The following BSN variants were observed in gnomAD, a reference collection of about 807,000 sequenced individuals.
BSN encodes bassoon presynaptic cytomatrix protein, also known as protein bassoon.
A neutral mutation model predicts 264.8 loss-of-function variants in BSN; 57 were observed. The ratio of observed to expected loss-of-function variants is 0.22; its 90% CI spans 0.17 to 0.27. BSN has a LOEUF of 0.27. BSN is among the 10% of genes least tolerant of loss of function. The probability of loss-of-function intolerance (pLI) is 1.00; values close to 1 mark genes in which losing one functional copy is unlikely to be tolerated. For synonymous variants in BSN, 2,059 were observed against 2,137.3 expected (o/e 0.96, Z 1.01); for missense variants, 4,615 against 5,232.5 (o/e 0.88, Z 3.64).
intron 1 of BSN, among the ~76,000 whole-genome samples, chr3:49,579,987 G>A (rs183810964): frequency 9.9e-5 from 15 of 152,164 alleles, no homozygotes; most frequent in Middle Eastern, 3.4e-3. Flanking sequence ...ATATGTCACC[G>A]GATTTGTTTT....
chr3:49,559,143 T>G (rs778242205), intron 1 of BSN, among the ~76,000 whole-genome samples: 52 of 152,088 alleles, frequency 3.4e-4, no homozygotes, highest in Non-Finnish European at 6.9e-4. Context: ...GCCAGGCTGG[T>G]CTCAAACTCC....
chr3:49,588,607 A>G (rs539566532), intron 1 of BSN, among the ~76,000 whole-genome samples: 1 of 152,206 alleles, frequency 6.6e-6, no homozygotes, highest in East Asian at 1.9e-4. Context: ...ACTACATCCA[A>G]TGTTTTGATA....
intron 1 of BSN, among the ~76,000 whole-genome samples, chr3:49,590,396 G>A (rs1020721438): frequency 6.6e-6 from 1 of 151,780 alleles, no homozygotes; most frequent in Non-Finnish European, 1.5e-5. Context: ...TTATTAATAT[G>A]GTTGGATTTA....
chr3:49,559,817 T>A (rs988775282), intron 1 of BSN, among the ~76,000 whole-genome samples: 1 of 152,212 alleles, frequency 6.6e-6, no homozygotes, highest in Non-Finnish European at 1.5e-5. Context: ...GAGAATTCTG[T>A]CTAGAAGCTA....
At position 49,650,886 on chromosome 3, in the gene BSN, C is replaced by T. The variant is rs752794359; in HGVS notation, c.1793C>T (p.Pro598Leu). 6.2e-7 allele frequency: 1 copy of T among 1,614,216 alleles called. No homozygotes were observed. The highest frequency in any genetic ancestry group is 1.1e-5 in the South Asian group (1 of 91,090). Residue 598 changes from proline (P) to leucine (L), a missense_variant, in exon 4 of 12, where the codon CCC becomes CTC. Pro to Leu is a moderately conservative substitution (Grantham distance 98). Around this residue, in one of 3 missense-constraint regions of BSN, gnomAD observed 1,197 missense variants for 1,348.0 expected, o/e 0.89. Transcript: ENST00000296452. ...GCCAAGCCCCTCAGGGCTTCTGAAC[C>T]CAGCAAGACCCCAAGCAGTGTCCAG... Reference protein sequence around the residue: ...PQAKPLRASEPSKTPSSVQEK... With the variant: ...PQAKPLRASELSKTPSSVQEK...
intron 1 of BSN, among the ~76,000 whole-genome samples, chr3:49,565,693 G>A (rs1312589568): frequency 6.6e-6 from 1 of 152,052 alleles, no homozygotes; most frequent in Non-Finnish European, 1.5e-5. Flanking sequence ...GTAGTTAGAG[G>A]GTGCTTTACT....
At chr3:49,633,779 CAT>C (rs1234274179) in intron 2 of BSN, among the ~76,000 whole-genome samples, 1 of 152,174 alleles carries the variant, frequency 6.6e-6, no homozygotes, top group Non-Finnish European at 1.5e-5. Context: ...CAATCTGACA[CAT>C]GATACAACAT....
intron 1 of BSN, among the ~76,000 whole-genome samples, chr3:49,587,133 A>C (rs1299962736): frequency 6.6e-6 from 1 of 152,108 alleles, no homozygotes; most frequent in Non-Finnish European, 1.5e-5. Context: ...TTCTTTGGTT[A>C]AGTTAATTCC....
chr3:49,555,640 G>C (rs191290587), intron 1 of BSN, among the ~76,000 whole-genome samples: 1 of 152,344 alleles, frequency 6.6e-6, no homozygotes, highest in East Asian at 1.9e-4. Context: ...TGCAAAAACA[G>C]TCAAGTGGCA....
chr3:49,664,924 C>CT, intron 10 of BSN, 71 bp downstream of exon 10: 1 of 1,226,148 alleles, frequency 8.2e-7, no homozygotes, highest in South Asian at 1.2e-5. Flanking sequence ...GGGTGGGGCT[C>CT]TAAGTCCGAA....
At chr3:49,624,843 C>G (rs1267938435) in intron 1 of BSN, 132 bp from the exon 2 acceptor site, 1 of 803,684 alleles carries the variant, frequency 1.2e-6, no homozygotes, top group African/African-American at 1.8e-5. Context: ...CAAATGAGGG[C>G]CATGATGATT....
intron 1 of BSN, among the ~76,000 whole-genome samples, chr3:49,602,753 A>G (rs548298914): frequency 6.6e-6 from 1 of 152,218 alleles, no homozygotes; most frequent in African/African-American, 2.4e-5. Context: ...CCCTCTCTTT[A>G]AATCTCAATT....
intron 8 of BSN, 60 bp downstream of exon 8, chr3:49,663,946 T>C (rs2052689386): frequency 6.6e-7 from 1 of 1,505,370 alleles, no homozygotes; most frequent in Non-Finnish European, 9.2e-7. Flanking sequence ...GTTCTCTCTC[T>C]ATACCACCTG....
rs145539823 is a variant in BSN at position 49,570,964 on chromosome 3, C to T, written c.224+16138C>T. ...CTGTGAAATGGAGTGGAAGTGACCC[C>T]AGGAGTACCAGAGCTGAGCCTTCCA... On this transcript the variant is annotated intron_variant, in intron 1 of 11. Transcript: ENST00000296452. Among the ~76,000 whole-genome samples the T allele has an allele frequency of 9.1e-4, 139 of 152,280 alleles. 2 individuals carry two copies. In the East Asian group the frequency reaches 0.022, roughly 24 times the overall value.
At chr3:49,580,904 A>G (rs1015631559) in intron 1 of BSN, among the ~76,000 whole-genome samples, 4 of 151,996 alleles carry the variant, frequency 2.6e-5, no homozygotes, top group Non-Finnish European at 5.9e-5. Context: ...TCTATTTCTA[A>G]AATTTTTAAT....
chr3:49,648,436 G>A (rs2052515838), intron 3 of BSN, among the ~76,000 whole-genome samples: 1 of 152,244 alleles, frequency 6.6e-6, no homozygotes, highest in African/African-American at 2.4e-5. Context: ...GGAAGGGGCT[G>A]TTTGATCATT....
Position 49,655,457 on chromosome 3 carries a change from G to T in BSN, c.5901G>T (p.Glu1967Asp). The part of the protein sequence containing the change: ...AQGVVGPGPH[E>D]EQRPYPQGLP... The stretch of plus-strand genomic sequence containing the variant: ...GGGTGGTGGGGCCTGGGCCCCATGA[G>T]GAGCAGAGGCCCTACCCACAAGGCC... The change falls in exon 5 of 12, where the codon GAG (glutamate) becomes GAT (aspartate). Residue 1967 changes from glutamate to aspartate, a missense_variant. Around this residue, in one of 3 missense-constraint regions of BSN, gnomAD observed 3,415 missense variants for 3,866.4 expected, o/e 0.88. Coordinates refer to ENST00000296452, the MANE Select transcript of BSN (RefSeq NM_003458.4). 6.3e-7 allele frequency: 1 copy of T among 1,576,034 alleles called. No individual in the cohort carries two copies.
Position 49,642,181 on chromosome 3 carries a change from C to A in BSN, c.634-87C>A. On this transcript the variant is annotated intron_variant, in intron 2 of 11. Transcript: ENST00000296452. The surrounding 1 kb of genome is among the most constrained non-coding windows in gnomAD (Gnocchi z 7.0). Reference sequence around the variant, plus strand: ...TGCTCCTGCCTGTGCTAGGAGTGGCCTTGGCTGCTGTGGGGCCTGCACTGA... The same window carrying A: ...TGCTCCTGCCTGTGCTAGGAGTGGCATTGGCTGCTGTGGGGCCTGCACTGA... 8.8e-7 allele frequency: 1 copy of A among 1,136,214 alleles called. No homozygotes were observed. Among genetic ancestry groups the A allele is most frequent in the Non-Finnish European group, 1.2e-6 (1 of 838,476 alleles). 70.4% of individuals were successfully genotyped at this position (1,136,214 alleles called of 1,614,324 possible). A position where few individuals can be genotyped will look rare whatever the true frequency, so the allele number is the denominator to read the frequency against.
intron 1 of BSN, among the ~76,000 whole-genome samples, chr3:49,604,499 T>C (rs1302016869): frequency 6.6e-6 from 1 of 152,192 alleles, no homozygotes; most frequent in East Asian, 1.9e-4. Flanking sequence ...AAATTTCACT[T>C]ATCGTTTCTT....
Sources: gnomAD v4.1 joint callset for allele counts (sites outside exome capture counted in the v4.1 genomes callset) on GRCh38, gnomAD v4.1.1 for gene constraint, gnomAD v4.1.1 regional missense constraint, Gnocchi (gnomAD v3.1) non-coding constraint, MANE v1.5 for transcripts, NCBI Gene and HGNC (gene_info 2026-07-23, HGNC 2026-07-21) for gene names.